TRPM6: variants seen among roughly 807,000 people sequenced by gnomAD.
TRPM6 encodes transient receptor potential cation channel subfamily M member 6.
A neutral mutation model predicts 247.6 loss-of-function variants in TRPM6; 111 were observed. That is an observed-to-expected ratio of 0.45 (90% CI 0.38 to 0.52). TRPM6 has a LOEUF of 0.52. Among genes scored for constraint, TRPM6 ranks in the 20% least tolerant of loss-of-function variants. TRPM6 has a pLI of 0.00. For synonymous variants in TRPM6, 892 were observed against 853.8 expected (o/e 1.04, Z -0.78); for missense variants, 2,126 against 2,421.5 (o/e 0.88, Z 2.56).
intron 23 of TRPM6, among the ~76,000 whole-genome samples, chr9:74,777,391 T>G (rs1827260704): frequency 6.6e-6 from 1 of 152,222 alleles, no homozygotes; most frequent in African/African-American, 2.4e-5. Context: ...TTGTATGGTC[T>G]TCAGTGTGTT....
chr9:74,758,856 A>T (rs1424962170), intron 27 of TRPM6, among the ~76,000 whole-genome samples: 2 of 152,178 alleles, frequency 1.3e-5, no homozygotes, highest in Non-Finnish European at 2.9e-5. Context: ...ATGTTTGTAG[A>T]TGACATGGTC....
intron 23 of TRPM6, 172 bp from the exon 24 acceptor site, chr9:74,776,248 C>A: frequency 1.6e-6 from 1 of 642,712 alleles, no homozygotes. Context: ...AATATATTAG[C>A]TACCTTCTAC....
At chr9:74,813,909 C>T (rs990042556) in intron 11 of TRPM6, among the ~76,000 whole-genome samples, 7 of 152,132 alleles carry the variant, frequency 4.6e-5, no homozygotes, top group African/African-American at 1.7e-4. Flanking sequence ...CCAGCCTGGC[C>T]AACATGGTGA....
intron 38 of TRPM6, among the ~76,000 whole-genome samples, chr9:74,727,628 A>G (rs1825376595): frequency 6.6e-6 from 1 of 152,196 alleles, no homozygotes; most frequent in African/African-American, 2.4e-5. Flanking sequence ...GGGACAAAAG[A>G]AAGGAATGAA....
chr9:74,771,528 A>G (rs1260110308), intron 25 of TRPM6, among the ~76,000 whole-genome samples, 175 bp downstream of exon 25: 1 of 152,230 alleles, frequency 6.6e-6, no homozygotes, highest in Non-Finnish European at 1.5e-5. Flanking sequence ...CCTGGAATAT[A>G]GTAGATGCTT....
chr9:74,811,182 A>G (rs1424059402), intron 12 of TRPM6, among the ~76,000 whole-genome samples: 4 of 152,228 alleles, frequency 2.6e-5, no homozygotes, highest in African/African-American at 9.6e-5. Flanking sequence ...ACACGAGCAC[A>G]TTCCAGCAAC....
chr9:74,773,249 A>G (rs1392409943), intron 24 of TRPM6, among the ~76,000 whole-genome samples: 1 of 152,254 alleles, frequency 6.6e-6, no homozygotes, highest in African/African-American at 2.4e-5. Flanking sequence ...TCTTTTAGCT[A>G]TTACAATGAC....
chr9:74,830,872 G>A (rs1311974820), intron 6 of TRPM6, among the ~76,000 whole-genome samples: 1 of 145,734 alleles, frequency 6.9e-6, no homozygotes, highest in South Asian at 2.2e-4. Context: ...CAAAGTACTG[G>A]GGTTATAGGC....
Position 74,783,538 on chromosome 9 carries a change from C to T in TRPM6, c.2920-685G>A, listed in dbSNP as rs977832296. Among the ~76,000 whole-genome samples, 3 of 152,160 alleles carry T rather than the reference C, an allele frequency of 2.0e-5. 1 individual carries two copies. Among genetic ancestry groups the T allele is most frequent in the Non-Finnish European group, 4.4e-5 (3 of 68,026 alleles). On this transcript the variant is annotated intron_variant, in intron 21 of 38. Transcript: ENST00000360774. ...CATCCCTCTCACTCCCTACCATAGA[C>T]CTTAGGAGCTAAATGTTCACATAGC...
At chr9:74,776,150 A>G (rs1827213474) in intron 23 of TRPM6, 74 bp from the exon 24 acceptor site, 1 of 1,335,078 alleles carries the variant, frequency 7.5e-7, no homozygotes, top group African/African-American at 1.4e-5. Flanking sequence ...ATATTTTCCA[A>G]CATTTATGAT....
chr9:74,763,375 C>A (rs1826718565), intron 25 of TRPM6, among the ~76,000 whole-genome samples: 1 of 152,190 alleles, frequency 6.6e-6, no homozygotes, highest in Admixed American at 6.5e-5. Context: ...ACATTTCCAG[C>A]CCTTATTTCT....
At chr9:74,821,943 T>C (rs578108090) in intron 7 of TRPM6, 106 bp from the exon 8 acceptor site, 1 of 1,231,172 alleles carries the variant, frequency 8.1e-7, no homozygotes, top group African/African-American at 1.5e-5. Context: ...CCTATGTTCA[T>C]TCCTCACACT....
At chr9:74,802,656 C>T (rs2119008233) in intron 15 of TRPM6, among the ~76,000 whole-genome samples, 1 of 152,284 alleles carries the variant, frequency 6.6e-6, no homozygotes, top group South Asian at 2.1e-4. Context: ...AAAGCTCTAA[C>T]CTCACTTAGC....
At chr9:74,869,237 G>A (rs1340061077) in intron 1 of TRPM6, among the ~76,000 whole-genome samples, 6 of 151,964 alleles carry the variant, frequency 3.9e-5, no homozygotes, top group Non-Finnish European at 8.8e-5. Context: ...TTGGGAGGCC[G>A]AGGCAGGCAG....
chr9:74,850,604 C>T (rs1830270580), intron 3 of TRPM6, among the ~76,000 whole-genome samples: 1 of 151,916 alleles, frequency 6.6e-6, no homozygotes, highest in African/African-American at 2.4e-5. Flanking sequence ...CCTGTAATCC[C>T]AGCTTCTCGG....
At chr9:74,832,172 C>T (rs904012177) in intron 6 of TRPM6, among the ~76,000 whole-genome samples, 2 of 152,028 alleles carry the variant, frequency 1.3e-5, no homozygotes, top group Admixed American at 6.6e-5. Flanking sequence ...TGCTAAACAC[C>T]ACTACAAAAG....
intron 1 of TRPM6, among the ~76,000 whole-genome samples, chr9:74,858,955 A>G (rs1830612709): frequency 6.6e-6 from 1 of 152,222 alleles, no homozygotes; most frequent in Admixed American, 6.5e-5. Context: ...ACGACACGCA[A>G]AGTGAATATG....
chr9:74,801,655 C>A (rs889626176), intron 16 of TRPM6, among the ~76,000 whole-genome samples: 8 of 152,170 alleles, frequency 5.3e-5, no homozygotes, highest in Non-Finnish European at 1.2e-4. Flanking sequence ...ATCTGGTCAA[C>A]TGACTTGTCT....
In TRPM6 at chr9:74,834,141, G is replaced by C. The variant is rs1829638381; in HGVS notation, c.545-19C>G. 6.2e-7 allele frequency: 1 copy of C among 1,613,618 alleles called. No homozygotes were observed. The highest frequency in any genetic ancestry group is 8.5e-7 in the Non-Finnish European group (1 of 1,179,776). ...GACACTCCTATGAACAACCAGTTTA[G>C]AAGTCAAACTTTAATTCACAAATCG... On this transcript the variant is annotated intron_variant, in intron 5 of 38. Coordinates refer to ENST00000360774, the MANE Select transcript of TRPM6 (RefSeq NM_017662.5).
Sources: allele counts gnomAD v4.1 joint callset (sites outside exome capture counted in the v4.1 genomes callset), GRCh38; gene constraint gnomAD v4.1.1; transcripts MANE v1.5; gene names NCBI Gene and HGNC (gene_info 2026-07-23, HGNC 2026-07-21).